The following RABGAP1L variants were observed in gnomAD, a reference collection of about 807,000 sequenced individuals.
The protein encoded by RABGAP1L is RAB GTPase activating protein 1 like, also known as rab GTPase-activating protein 1-like.
Under a neutral mutation model 137.7 loss-of-function variants are expected in RABGAP1L, and 63 were observed. The ratio of observed to expected loss-of-function variants is 0.46; its 90% CI spans 0.37 to 0.56. The LOEUF is 0.56. RABGAP1L is among the 20% of genes least tolerant of loss of function. The pLI, the probability that RABGAP1L is intolerant of heterozygous loss-of-function variation, is 0.00. For missense variants in RABGAP1L, 1,095 were observed against 1,244.0 expected (o/e 0.88, Z 1.80); for synonymous variants, 431 against 433.7 (o/e 0.99, Z 0.08).
chr1:174,775,137 CA>C (rs1390162892), intron 18 of RABGAP1L, among the ~76,000 whole-genome samples: 6 of 152,078 alleles, frequency 3.9e-5, no homozygotes, highest in African/African-American at 1.4e-4. Context: ...GGAGGGAAGG[CA>C]ATTTCCTTTT....
At chr1:174,283,682 T>G (rs1440765949) in intron 10 of RABGAP1L, among the ~76,000 whole-genome samples, 1 of 152,122 alleles carries the variant, frequency 6.6e-6, no homozygotes, top group Non-Finnish European at 1.5e-5. Context: ...AATTTTTGTA[T>G]TTTTAGTAGA....
intron 18 of RABGAP1L, among the ~76,000 whole-genome samples, chr1:174,757,336 G>A (rs1684846312): frequency 6.6e-6 from 1 of 151,974 alleles, no homozygotes; most frequent in South Asian, 2.1e-4. Flanking sequence ...ATACTTATCT[G>A]ATATCTCTGG....
chr1:174,854,715 C>CTTTTTTTTTTTTT lies in RABGAP1L; in HGVS notation c.2340+42788_2340+42800dup, dbSNP rs71117584. ...AACTGCAATAGACTCAATATAAATG[C>CTTTTTTTTTTTTT]TTTTTTTTTTTTTTTTTTTTTTTTT... On this transcript the variant is annotated intron_variant, in intron 19 of 25. Coordinates refer to ENST00000681986, the MANE Select transcript of RABGAP1L (RefSeq NM_001366446.1). Among the ~76,000 whole-genome samples, 16 of 56,860 alleles carry CTTTTTTTTTTTTT rather than the reference C, an allele frequency of 2.8e-4. 2 individuals are homozygous for CTTTTTTTTTTTTT. The highest frequency in any genetic ancestry group is 5.2e-4 in the South Asian group (1 of 1,922). The allele number at this position is 56,860 out of a possible 152,430, so 37.3% of individuals were successfully genotyped here.
intron 14 of RABGAP1L, among the ~76,000 whole-genome samples, chr1:174,661,836 G>T (rs1676393407): frequency 6.6e-6 from 1 of 152,066 alleles, no homozygotes; most frequent in Non-Finnish European, 1.5e-5. Context: ...TAACATTATA[G>T]CGCAACACAT....
intron 19 of RABGAP1L, among the ~76,000 whole-genome samples, chr1:174,935,831 A>G (rs1174532892): frequency 6.6e-6 from 1 of 152,064 alleles, no homozygotes; most frequent in Non-Finnish European, 1.5e-5. Context: ...AAAATAAAAA[A>G]TTAGCTGAGC....
chr1:174,897,580 TGTAA>T (rs1419124504), intron 19 of RABGAP1L: 1 of 152,244 alleles, frequency 6.6e-6, no homozygotes, highest in Admixed American at 6.5e-5. Context: ...ACCACATTGC[TGTAA>T]GTGTCTCCAT....
chr1:174,899,673 AT>A (rs1467927090), intron 19 of RABGAP1L, among the ~76,000 whole-genome samples: 1 of 152,080 alleles, frequency 6.6e-6, no homozygotes, highest in Non-Finnish European at 1.5e-5. Flanking sequence ...TTCAATATCA[AT>A]TTTCTCATGA....
At chr1:174,949,132 G>T (rs900527506) in intron 19 of RABGAP1L, among the ~76,000 whole-genome samples, 12 of 152,190 alleles carry the variant, frequency 7.9e-5, no homozygotes, top group Admixed American at 5.2e-4. Flanking sequence ...TATAGGCAAA[G>T]AGAGTGAAGG....
At chr1:174,166,797 A>G (rs1034166468) in intron 1 of RABGAP1L, among the ~76,000 whole-genome samples, 3 of 152,212 alleles carry the variant, frequency 2.0e-5, no homozygotes, top group Non-Finnish European at 4.4e-5. Context: ...AAGCCTTCTT[A>G]GAGTGTTGCC....
chr1:174,762,123 G>A lies in RABGAP1L; in HGVS notation c.2211+9769G>A, dbSNP rs528574029. ...GCGAGACTGCAACAAGAGAGTGAGG[G>A]AAGGGCGGTAGGAGATGAGGTCAGA... On this transcript the variant is annotated intron_variant, in intron 18 of 25. Transcript: ENST00000681986. Among the ~76,000 whole-genome samples the A allele has an allele frequency of 2.0e-5, 3 of 152,226 alleles. No homozygotes were observed. In the South Asian group the frequency reaches 6.2e-4, roughly 32 times the overall value.
At chr1:174,668,739 G>C (rs917679553) in intron 14 of RABGAP1L, among the ~76,000 whole-genome samples, 1 of 151,970 alleles carries the variant, frequency 6.6e-6, no homozygotes, top group Non-Finnish European at 1.5e-5. Flanking sequence ...AACGTGCAAG[G>C]GTTTCTTTTT....
chr1:174,721,099 T>C (rs1177174766), intron 17 of RABGAP1L, among the ~76,000 whole-genome samples: 1 of 152,206 alleles, frequency 6.6e-6, no homozygotes, highest in Non-Finnish European at 1.5e-5. Context: ...TTAACAGTTG[T>C]GTATACTTGT....
At chr1:174,258,968 T>A (rs1273832603) in intron 7 of RABGAP1L, among the ~76,000 whole-genome samples, 5 of 151,982 alleles carry the variant, frequency 3.3e-5, no homozygotes, top group African/African-American at 4.8e-5. Flanking sequence ...TATTTATCTT[T>A]CATAGAGACG....
At chr1:174,825,833 G>A (rs1691511596) in intron 19 of RABGAP1L, among the ~76,000 whole-genome samples, 1 of 152,226 alleles carries the variant, frequency 6.6e-6, no homozygotes, top group African/African-American at 2.4e-5. Flanking sequence ...AGAGGTTACA[G>A]TGACTGGAGA....
chr1:174,351,050 C>G (rs6697377), intron 11 of RABGAP1L, among the ~76,000 whole-genome samples: 1 of 99,718 alleles, frequency 1.0e-5, no homozygotes, highest in South Asian at 4.5e-4. Context: ...GCTTCGGCTC[C>G]GCATGAGAGG....
At chr1:174,902,894 G>A (rs61828140) in intron 19 of RABGAP1L, among the ~76,000 whole-genome samples, 2 of 151,914 alleles carry the variant, frequency 1.3e-5, no homozygotes, top group South Asian at 4.1e-4. Context: ...TTTTTCATTC[G>A]TCTCCATGAG....
intron 17 of RABGAP1L, among the ~76,000 whole-genome samples, chr1:174,738,157 G>A (rs895138427): frequency 3.3e-5 from 5 of 152,190 alleles, no homozygotes; most frequent in African/African-American, 1.2e-4. Context: ...ACCTTGAACT[G>A]AGCTGTCCTG....
intron 13 of RABGAP1L, among the ~76,000 whole-genome samples, chr1:174,581,747 TA>T (rs1454692327): frequency 6.6e-6 from 1 of 152,200 alleles, no homozygotes; most frequent in Non-Finnish European, 1.5e-5. Context: ...TTATTTATAA[TA>T]TTTCTGGGAG....
chr1:174,804,996 C>G (rs1179967445), intron 18 of RABGAP1L, among the ~76,000 whole-genome samples: 1 of 151,644 alleles, frequency 6.6e-6, no homozygotes, highest in African/African-American at 2.4e-5. Context: ...GTTAAAAACC[C>G]AAATGCAGAA....
Sources: gnomAD v4.1 joint callset for allele counts (sites outside exome capture counted in the v4.1 genomes callset) on GRCh38, gnomAD v4.1.1 for gene constraint, MANE v1.5 for transcripts, NCBI Gene and HGNC (gene_info 2026-07-23, HGNC 2026-07-21) for gene names.